Variants in GATAD2A observed in about 807,000 individuals in gnomAD.
GATAD2A encodes the protein transcriptional repressor p66-alpha.
A neutral mutation model predicts 68.5 loss-of-function variants in GATAD2A; 12 were observed. The ratio of observed to expected loss-of-function variants is 0.18; its 90% CI spans 0.11 to 0.28. The LOEUF is 0.28. Ranked by LOEUF, GATAD2A falls within the 10% of genes least tolerant of loss-of-function variation. GATAD2A has a pLI of 1.00. For synonymous variants in GATAD2A, 410 were observed against 375.3 expected, an observed-to-expected ratio of 1.09 and a Z score of -1.07; for missense variants, 755 against 868.5, an observed-to-expected ratio of 0.87 and a Z score of 1.64.
chr19:19,425,795 C>CTT (rs368042391), intron 1 of GATAD2A, among the ~76,000 whole-genome samples: 1 of 143,402 alleles, frequency 7.0e-6, no homozygotes, highest in Non-Finnish European at 1.5e-5. Context: ...CTTTTCTTTT[C>CTT]TTTTTTTTTT....
At position 19,465,447 on chromosome 19, in the gene GATAD2A, A is replaced by C. The variant is rs747439586; in HGVS notation, c.102A>C (p.Gly34=). 6.2e-7 allele frequency: 1 copy of C among 1,613,730 alleles called. No homozygotes were observed. The highest frequency in any genetic ancestry group is 1.7e-5 in the Admixed American group (1 of 60,014). ...GCAAGAAAATAAAAATGGAGAGAGG[A>C]TTGTTGGCTTCAGATTTAAACACTG... is the stretch of plus-strand genomic sequence containing the variant. The part of the protein sequence containing the change: ...VESKKIKMER[G]LLASDLNTDG... Residue 34 remains glycine (G), a synonymous_variant, in exon 2 of 12, where the codon GGA becomes GGC. Coordinates refer to ENST00000683918, the MANE Select transcript of GATAD2A (RefSeq NM_001384528.1).
chr19:19,505,788 G>A lies in GATAD2A; in HGVS notation c.*314G>A, dbSNP rs1290811515. 1.1e-5 allele frequency: 5 copies of A among 456,234 alleles called. No individual in the cohort carries two copies. Among genetic ancestry groups the A allele is most frequent in the African/African-American group, 1.0e-4 (5 of 48,894 alleles). The allele number at this position is 456,234 out of a possible 1,614,324, so 28.3% of individuals were successfully genotyped here. ...AAAGTGGACCTTGGGGGCTGGTTCT[G>A]CTCCTGGCCCCCTTGTTCAGCCCCT... On this transcript the variant is annotated 3_prime_UTR_variant, in exon 12 of 12. Coordinates refer to ENST00000683918, the MANE Select transcript of GATAD2A (RefSeq NM_001384528.1).
intron 1 of GATAD2A, among the ~76,000 whole-genome samples, chr19:19,410,553 C>T (rs574833795): frequency 1.6e-4 from 25 of 152,302 alleles, no homozygotes; most frequent in African/African-American, 5.1e-4. Context: ...CCTGCCTTGC[C>T]GGTTAGATAT....
intron 1 of GATAD2A, among the ~76,000 whole-genome samples, chr19:19,393,469 C>T (rs2048998795): frequency 6.6e-6 from 1 of 152,194 alleles, no homozygotes; most frequent in African/African-American, 2.4e-5. Flanking sequence ...ACAAATAATT[C>T]AGGAACAAAC....
chr19:19,440,542 G>A (rs1315410031), intron 1 of GATAD2A: 11 of 183,992 alleles, frequency 6.0e-5, no homozygotes, highest in Non-Finnish European at 1.0e-4. Flanking sequence ...ACAAGTGTGA[G>A]CCACCGTGCC....
intron 5 of GATAD2A, 120 bp from the exon 6 acceptor site, chr19:19,495,634 T>TAAAAAA (rs3067692): frequency 1.8e-4 from 99 of 547,082 alleles, no homozygotes; most frequent in South Asian, 5.4e-4. Context: ...CTCTGCTACT[T>TAAAAAA]AAAAAAAAAA....
intron 8 of GATAD2A, among the ~76,000 whole-genome samples, chr19:19,499,040 A>G (rs2060341173): frequency 6.6e-6 from 1 of 152,188 alleles, no homozygotes; most frequent in South Asian, 2.1e-4. Flanking sequence ...GCCTCCACGA[A>G]GGGCTCTCAG....
chr19:19,493,353 G>C (rs1157662802), intron 4 of GATAD2A, among the ~76,000 whole-genome samples: 1 of 152,040 alleles, frequency 6.6e-6, no homozygotes, highest in African/African-American at 2.4e-5. Flanking sequence ...CACTGTGGGC[G>C]CAGGGGATGC....
intron 2 of GATAD2A, among the ~76,000 whole-genome samples, chr19:19,480,991 C>T (rs2059018124): frequency 2.6e-5 from 4 of 152,216 alleles, no homozygotes. Context: ...GGCTTTCATG[C>T]ACACAGGTGA....
intron 1 of GATAD2A, among the ~76,000 whole-genome samples, chr19:19,388,352 C>T (rs1425284355): frequency 1.3e-5 from 2 of 152,034 alleles, no homozygotes; most frequent in Admixed American, 6.6e-5. Flanking sequence ...CCACCGCGCC[C>T]GGCCAAGCTT....
chr19:19,415,174 C>T (rs182960501), intron 1 of GATAD2A, among the ~76,000 whole-genome samples: 17 of 140,260 alleles, frequency 1.2e-4, no homozygotes, highest in Admixed American at 7.1e-4. Flanking sequence ...GTTTTTTAGA[C>T]GGAGTTTTGC....
intron 1 of GATAD2A, among the ~76,000 whole-genome samples, chr19:19,460,912 C>G (rs1473315917): frequency 6.6e-6 from 1 of 152,220 alleles, no homozygotes; most frequent in Non-Finnish European, 1.5e-5. Flanking sequence ...TCAGGGCTGG[C>G]TTCCGGTGCC....
chr19:19,492,530 GCTCCTCACC>G, intron 3 of GATAD2A, 42 bp from the exon 4 acceptor site: 1 of 1,611,974 alleles, frequency 6.2e-7, no homozygotes. Context: ...CAGGGCCTCT[GCTCCTCACC>G]AAGGACGCTC....
At chr19:19,476,348 C>G (rs1415427978) in intron 2 of GATAD2A, among the ~76,000 whole-genome samples, 2 of 152,202 alleles carry the variant, frequency 1.3e-5, no homozygotes, top group African/African-American at 2.4e-5. Context: ...ATATCTCCTC[C>G]CAGCATGTAT....
chr19:19,437,151 A>C (rs1489377635), intron 1 of GATAD2A, among the ~76,000 whole-genome samples: 2 of 152,186 alleles, frequency 1.3e-5, no homozygotes, highest in Non-Finnish European at 2.9e-5. Flanking sequence ...ATGTTTTGAG[A>C]CAGGGTCTCA....
rs144821429 is a variant in GATAD2A, at chr19:19,418,915, G to C, written c.-7+12896G>C. ...TTGGTATCTGACTAGTAATCACCAA[G>C]ACCCAAACAGGGTCATTTTGGGGTG... On this transcript the variant is annotated intron_variant, in intron 1 of 11. Transcript: ENST00000683918. 3.3e-5 allele frequency among the ~76,000 whole-genome samples: 5 copies of C among 152,232 alleles called. No homozygotes were observed. The East Asian group carries it at 9.7e-4, about 29-fold the overall frequency.
intron 1 of GATAD2A, among the ~76,000 whole-genome samples, chr19:19,422,405 A>T (rs1264938040): frequency 6.6e-6 from 1 of 152,056 alleles, no homozygotes; most frequent in African/African-American, 2.4e-5. Flanking sequence ...CTGTTGGGCC[A>T]CACAAGCAGA....
rs2060496254 is a variant in GATAD2A at position 19,501,126 on chromosome 19, A to T, written c.1213A>T (p.Met405Leu). The change falls in exon 9 of 12, where the codon ATG becomes TTG. Residue 405 changes from methionine to leucine, a missense_variant. Physicochemically the swap from Met to Leu is conservative, Grantham distance 15. Transcript: ENST00000683918. ...GTGCTGTCTGCTTGCAGCAGGCAGG[A>T]TGTCGGCCGCCACTGTGCTGTCCCG... The part of the protein sequence containing the change: ...QNLLETQAGR[M>L]SAATVLSREP... 7.5e-6 allele frequency: 12 copies of T among 1,607,540 alleles called. No individual in the cohort carries two copies. The highest frequency in any genetic ancestry group is 1.6e-4 in the Middle Eastern group (1 of 6,066).
chr19:19,427,668 CT>C (rs1021916354), intron 1 of GATAD2A: 2 of 155,284 alleles, frequency 1.3e-5, no homozygotes, highest in Non-Finnish European at 2.8e-5. Flanking sequence ...GAAGGTATTT[CT>C]TTCTTTCTTT....
Sources: gnomAD v4.1 joint callset for allele counts (sites outside exome capture counted in the v4.1 genomes callset) on GRCh38, gnomAD v4.1.1 for gene constraint, MANE v1.5 for transcripts, NCBI Gene and HGNC (gene_info 2026-07-23, HGNC 2026-07-21) for gene names.